CFAP299: variants seen among roughly 807,000 people sequenced by gnomAD.
The protein encoded by CFAP299 is cilia- and flagella-associated protein 299.
In CFAP299, 21 loss-of-function variants were observed where a neutral mutation model predicts 27.0. That is an observed-to-expected ratio of 0.78 (90% CI 0.55 to 1.12). CFAP299 has a LOEUF of 1.12. Among genes scored for constraint, CFAP299 ranks in the 50% most tolerant of loss-of-function variants. CFAP299 has a pLI of 0.00. For missense variants in CFAP299, 310 were observed against 276.6 expected (o/e 1.12, Z -0.86); for synonymous variants, 104 against 98.1 (o/e 1.06, Z -0.36).
intron 3 of CFAP299, among the ~76,000 whole-genome samples, chr4:80,584,440 G>T (rs958801702): frequency 6.6e-6 from 1 of 151,924 alleles, no homozygotes; most frequent in East Asian, 1.9e-4. Context: ...GGTAATTGAA[G>T]AAAATACTAG....
At chr4:80,749,274 C>T (rs920145376) in intron 3 of CFAP299, among the ~76,000 whole-genome samples, 3 of 152,078 alleles carry the variant, frequency 2.0e-5, no homozygotes, top group Non-Finnish European at 4.4e-5. Context: ...CATTATACCA[C>T]CTAATAGCTG....
intron 3 of CFAP299, among the ~76,000 whole-genome samples, chr4:80,737,351 A>C (rs2110061198): frequency 6.6e-6 from 1 of 152,242 alleles, no homozygotes; most frequent in East Asian, 1.9e-4. Flanking sequence ...AAAAAGCAGA[A>C]AAAAGAATGG....
At chr4:80,337,238 C>A (rs1191033518) in intron 1 of CFAP299, among the ~76,000 whole-genome samples, 1 of 152,048 alleles carries the variant, frequency 6.6e-6, no homozygotes, top group East Asian at 1.9e-4. Flanking sequence ...AGACTAAAAT[C>A]ATCTTTGTAG....
intron 2 of CFAP299, among the ~76,000 whole-genome samples, chr4:80,398,024 G>A (rs903025588): frequency 5.3e-5 from 8 of 152,126 alleles, no homozygotes; most frequent in Non-Finnish European, 1.2e-4. Context: ...AAAATCACAA[G>A]CATTCTTATA....
At chr4:80,388,267 CA>C in intron 2 of CFAP299, 1 of 690,588 alleles carries the variant, frequency 1.4e-6, no homozygotes. Context: ...TGGGCTGGTC[CA>C]GGGATGTGAA....
In CFAP299 at chr4:80,387,007, G is replaced by A; in HGVS notation, c.242+24123G>A. 3 of 1,188,926 alleles carry A rather than the reference G, an allele frequency of 2.5e-6. No individual in the cohort carries two copies. In the South Asian group the frequency reaches 3.6e-5, roughly 14 times the overall value. The allele number at this position is 1,188,926 out of a possible 1,614,324, so 73.6% of individuals were successfully genotyped here. ...AACCTGCCCCCACTGCGGTGGGTTG[G>A]CAGATGACGCTGCAGGTAGCGTTCA... On this transcript the variant is annotated intron_variant, in intron 2 of 5. Coordinates refer to ENST00000358105, the MANE Select transcript of CFAP299 (RefSeq NM_152770.3).
intron 2 of CFAP299, among the ~76,000 whole-genome samples, chr4:80,395,496 GC>G (rs1249401150): frequency 7.9e-5 from 12 of 152,058 alleles, no homozygotes; most frequent in Non-Finnish European, 1.5e-4. Context: ...TTAGAGGAAA[GC>G]TTTTCACCAA....
intron 3 of CFAP299, among the ~76,000 whole-genome samples, chr4:80,854,418 T>C (rs1223831682): frequency 6.6e-6 from 1 of 150,848 alleles, no homozygotes; most frequent in East Asian, 1.9e-4. Flanking sequence ...GTACAGAATG[T>C]TTAAATGTTA....
intron 3 of CFAP299, among the ~76,000 whole-genome samples, chr4:80,782,223 A>T (rs965633850): frequency 3.3e-5 from 5 of 151,958 alleles, no homozygotes; most frequent in African/African-American, 1.2e-4. Context: ...TTGGAACCTA[A>T]AAGATGTAGC....
At chr4:80,792,485 C>A (rs956650027) in intron 3 of CFAP299, among the ~76,000 whole-genome samples, 1 of 152,044 alleles carries the variant, frequency 6.6e-6, no homozygotes, top group African/African-American at 2.4e-5. Flanking sequence ...CATTAGAACT[C>A]AAAACACTGA....
In CFAP299 at chr4:80,826,959, C is replaced by A. The variant is rs556671903; in HGVS notation, c.334-43034C>A. Among the ~76,000 whole-genome samples, 34 of 151,754 alleles carry A rather than the reference C, an allele frequency of 2.2e-4. No homozygotes were observed. The South Asian group carries it at 7.1e-3, about 32-fold the overall frequency. On this transcript the variant is annotated intron_variant, in intron 3 of 5. Transcript: ENST00000358105. ...ATGAAACAACACATTCTTAAACCAC[C>A]AATGGATCAAAAAATAAATAACAAG...
chr4:80,680,980 C>T (rs1226085568), intron 3 of CFAP299, among the ~76,000 whole-genome samples: 4 of 152,038 alleles, frequency 2.6e-5, no homozygotes, highest in African/African-American at 7.2e-5. Context: ...CCTGGGCCAA[C>T]CCTAAGGAGG....
At chr4:80,743,797 A>G (rs1387911208) in intron 3 of CFAP299, among the ~76,000 whole-genome samples, 1 of 152,218 alleles carries the variant, frequency 6.6e-6, no homozygotes, top group East Asian at 1.9e-4. Flanking sequence ...ACAAACCTGC[A>G]CATTCTGCAC....
intron 4 of CFAP299, among the ~76,000 whole-genome samples, chr4:80,885,407 C>T (rs922064628): frequency 2.0e-5 from 3 of 152,194 alleles, no homozygotes; most frequent in Non-Finnish European, 2.9e-5. Context: ...ATGGGAATGC[C>T]TGCACCATCC....
At chr4:80,882,976 A>C (rs911184746) in intron 4 of CFAP299, among the ~76,000 whole-genome samples, 1 of 152,296 alleles carries the variant, frequency 6.6e-6, no homozygotes, top group South Asian at 2.1e-4. Context: ...ACATAAAATT[A>C]TAAATCTCAT....
intron 3 of CFAP299, among the ~76,000 whole-genome samples, chr4:80,819,201 T>A (rs920770562): frequency 6.6e-6 from 1 of 152,076 alleles, no homozygotes; most frequent in African/African-American, 2.4e-5. Context: ...GACAATATAC[T>A]CTGTCAGAGC....
intron 2 of CFAP299, among the ~76,000 whole-genome samples, chr4:80,409,767 C>T (rs1726619218): frequency 6.6e-6 from 1 of 152,102 alleles, no homozygotes; most frequent in African/African-American, 2.4e-5. Flanking sequence ...AAAAGTATCA[C>T]AGATGATAGC....
intron 3 of CFAP299, among the ~76,000 whole-genome samples, chr4:80,861,257 G>A (rs527840640): frequency 9.1e-4 from 139 of 152,218 alleles, no homozygotes; most frequent in African/African-American, 1.6e-3. Context: ...TTTTAAGCCC[G>A]TCAGAAAAGT....
intron 2 of CFAP299, among the ~76,000 whole-genome samples, chr4:80,504,907 A>G (rs1296316522): frequency 6.7e-6 from 1 of 148,336 alleles, no homozygotes; most frequent in Non-Finnish European, 1.5e-5. Flanking sequence ...TATATATGAT[A>G]TATATATTAA....
Sources: gnomAD v4.1 joint callset for allele counts (sites outside exome capture counted in the v4.1 genomes callset) on GRCh38, gnomAD v4.1.1 for gene constraint, MANE v1.5 for transcripts, NCBI Gene and HGNC (gene_info 2026-07-23, HGNC 2026-07-21) for gene names.